PTCHD4: variants seen among roughly 807,000 people sequenced by gnomAD.
The protein encoded by PTCHD4 is patched domain-containing protein 4.
Under a neutral mutation model 58.1 loss-of-function variants are expected in PTCHD4, and 33 were observed. The observed-to-expected ratio is 0.57, with a 90% CI of 0.43 to 0.76. PTCHD4 has a LOEUF of 0.76. Ranked by LOEUF, PTCHD4 falls within the 30% of genes least tolerant of loss-of-function variation. The probability of loss-of-function intolerance (pLI) is 0.00; values close to 1 mark genes in which losing one functional copy is unlikely to be tolerated. For synonymous variants in PTCHD4, 478 were observed against 409.6 expected (o/e 1.17, Z -2.02); for missense variants, 1,058 against 1,027.1 (o/e 1.03, Z -0.41).
chr6:47,980,630 AAAAT>A (rs1210668886), intron 4 of PTCHD4, among the ~76,000 whole-genome samples: 14 of 152,058 alleles, frequency 9.2e-5, no homozygotes, highest in Non-Finnish European at 2.1e-4. Context: ...TAAGTTCCTC[AAAAT>A]AAATGATTAA....
chr6:47,867,743 G>T lies in PTCHD4; in HGVS notation c.*10560C>A, dbSNP rs113744187. Among the ~76,000 whole-genome samples, 262 of 151,834 alleles carry T rather than the reference G, an allele frequency of 1.7e-3. 2 individuals carry two copies. Among genetic ancestry groups the T allele is most frequent in the African/African-American group, 5.9e-3 (244 of 41,474 alleles). On this transcript the variant is annotated 3_prime_UTR_variant, in exon 5 of 5. Coordinates refer to ENST00000339488, the MANE Select transcript of PTCHD4 (RefSeq NM_001384253.1). ...CTTACCCACACTTCAATGTGGATCA[G>T]TTCATAATTCCTTCCTTACTTTCCT... is the stretch of plus-strand genomic sequence containing the variant.
chr6:48,059,588 G>A (rs1232943496), intron 3 of PTCHD4, among the ~76,000 whole-genome samples: 3 of 152,022 alleles, frequency 2.0e-5, no homozygotes, highest in Admixed American at 1.3e-4. Context: ...GCAGTGAGCC[G>A]AGATCACGCC....
At chr6:48,101,766 G>A (rs770806112) in intron 1 of PTCHD4, among the ~76,000 whole-genome samples, 6 of 152,216 alleles carry the variant, frequency 3.9e-5, no homozygotes, top group Middle Eastern at 3.4e-3. Flanking sequence ...AGGTCCTACT[G>A]TGGACAAACA....
At chr6:48,001,522 T>A (rs950684376) in intron 4 of PTCHD4, among the ~76,000 whole-genome samples, 1 of 152,226 alleles carries the variant, frequency 6.6e-6, no homozygotes, top group Non-Finnish European at 1.5e-5. Flanking sequence ...GATTCCCTAT[T>A]TAATAAATGG....
chr6:47,860,162 T>C lies in PTCHD4; in HGVS notation c.*18141A>G, dbSNP rs1451978430. 2.0e-5 allele frequency among the ~76,000 whole-genome samples: 3 copies of C among 152,036 alleles called. No individual in the cohort carries two copies. Among genetic ancestry groups the C allele is most frequent in the Non-Finnish European group, 4.4e-5 (3 of 67,974 alleles). On this transcript the variant is annotated 3_prime_UTR_variant, in exon 5 of 5. Transcript: ENST00000339488. ...TCTCTTAACTCTAAAGTATGAATCA[T>C]GCAATCATTTCTTGTGCTTTATTGT...
At chr6:47,920,348 G>T (rs936059807) in intron 4 of PTCHD4, among the ~76,000 whole-genome samples, 3 of 152,088 alleles carry the variant, frequency 2.0e-5, no homozygotes, top group Non-Finnish European at 4.4e-5. Context: ...TGATTGTGTG[G>T]CTTGTGATTT....
At chr6:47,960,793 T>A (rs1459653724) in intron 4 of PTCHD4, among the ~76,000 whole-genome samples, 1 of 151,494 alleles carries the variant, frequency 6.6e-6, no homozygotes, top group African/African-American at 2.4e-5. Context: ...TCAAAATATA[T>A]GAAAGAAAAA....
rs1253859265 is a variant in PTCHD4, at chr6:47,864,329, C to CACACACAT, written c.*13973_*13974insATGTGTGT. Among the ~76,000 whole-genome samples, 23 of 151,226 alleles carry CACACACAT rather than the reference C, an allele frequency of 1.5e-4. No individual in the cohort carries two copies. The highest frequency in any genetic ancestry group is 5.9e-4 in the Admixed American group (9 of 15,170). ...AGATATATATATACACACACACACA[C>CACACACAT]ATATATATATATGGCTATTTCACCT... On this transcript the variant is annotated 3_prime_UTR_variant, in exon 5 of 5. Transcript: ENST00000339488.
chr6:48,106,791 T>C (rs867899906), intron 1 of PTCHD4, among the ~76,000 whole-genome samples: 43 of 152,174 alleles, frequency 2.8e-4, no homozygotes, highest in African/African-American at 9.2e-4. Flanking sequence ...TCACAAGGAT[T>C]CTTATACATC....
Position 48,083,538 on chromosome 6 carries a change from C to T in PTCHD4, c.-969-13612G>A, listed in dbSNP as rs1479198191. Among the ~76,000 whole-genome samples the T allele has an allele frequency of 2.0e-5, 3 of 152,054 alleles. No individual in the cohort carries two copies. In the South Asian group the frequency reaches 6.2e-4, roughly 32 times the overall value. ...ATGTTCTATAACAAAAGGGACATTG[C>T]AGATATAATTAGGATTATGGGGGTT... On this transcript the variant is annotated intron_variant, in intron 1 of 4. Transcript: ENST00000339488.
intron 3 of PTCHD4, among the ~76,000 whole-genome samples, chr6:48,016,298 C>G (rs1762867492): frequency 6.6e-6 from 1 of 151,940 alleles, no homozygotes; most frequent in African/African-American, 2.4e-5. Flanking sequence ...CCATGAAAGC[C>G]TTATTAAGGA....
intron 4 of PTCHD4, among the ~76,000 whole-genome samples, chr6:47,924,549 G>A (rs1043117699): frequency 1.3e-5 from 2 of 152,026 alleles, no homozygotes; most frequent in Non-Finnish European, 2.9e-5. Context: ...TTTGTAAAAT[G>A]AGGAACATAA....
intron 1 of PTCHD4, among the ~76,000 whole-genome samples, chr6:48,070,580 T>G (rs998745557): frequency 6.6e-6 from 1 of 152,250 alleles, no homozygotes; most frequent in African/African-American, 2.4e-5. Context: ...GAATTTCTAC[T>G]GAGTGCAGGA....
intron 4 of PTCHD4, among the ~76,000 whole-genome samples, chr6:47,892,417 G>A (rs1300536774): frequency 6.6e-6 from 1 of 152,168 alleles, no homozygotes; most frequent in Non-Finnish European, 1.5e-5. Flanking sequence ...CCTGAGTGCT[G>A]CCCGGTAAGA....
At chr6:48,072,259 C>T (rs1167122598) in intron 1 of PTCHD4, among the ~76,000 whole-genome samples, 6 of 152,160 alleles carry the variant, frequency 3.9e-5, no homozygotes, top group Non-Finnish European at 5.9e-5. Flanking sequence ...ATTCATTCAT[C>T]CAGCCAGTCT....
intron 4 of PTCHD4, among the ~76,000 whole-genome samples, chr6:47,931,561 G>A (rs915624711): frequency 6.6e-6 from 1 of 152,172 alleles, no homozygotes; most frequent in African/African-American, 2.4e-5. Context: ...AATCGTTGCT[G>A]TTTGACTGAG....
At chr6:47,994,048 G>C (rs1243969574) in intron 4 of PTCHD4, among the ~76,000 whole-genome samples, 1 of 152,196 alleles carries the variant, frequency 6.6e-6, no homozygotes, top group Non-Finnish European at 1.5e-5. Context: ...GTTGTTGCTA[G>C]ATCAGGGAAG....
At chr6:47,915,103 A>T (rs1011401149) in intron 4 of PTCHD4, among the ~76,000 whole-genome samples, 3 of 152,112 alleles carry the variant, frequency 2.0e-5, no homozygotes, top group Non-Finnish European at 1.5e-5. Flanking sequence ...ATTCCATGGA[A>T]AAGAAACCTA....
chr6:47,910,886 A>G (rs1765047446), intron 4 of PTCHD4, among the ~76,000 whole-genome samples: 1 of 152,170 alleles, frequency 6.6e-6, no homozygotes, highest in Non-Finnish European at 1.5e-5. Flanking sequence ...ATATTTATTC[A>G]CAGTGCAGTA....
Sources: gnomAD v4.1 joint callset for allele counts (sites outside exome capture counted in the v4.1 genomes callset) on GRCh38, gnomAD v4.1.1 for gene constraint, MANE v1.5 for transcripts, NCBI Gene and HGNC (gene_info 2026-07-23, HGNC 2026-07-21) for gene names.